The following DLG5 variants were observed in gnomAD, a reference collection of about 807,000 sequenced individuals.
DLG5 encodes discs large MAGUK scaffold protein 5.
DLG5 carries 48 observed loss-of-function variants against 189.8 expected under a neutral mutation model. That is an observed-to-expected ratio of 0.25 (90% CI 0.20 to 0.32). The LOEUF is 0.32. Among genes scored for constraint, DLG5 ranks in the 10% least tolerant of loss-of-function variants. The pLI, the probability that DLG5 is intolerant of heterozygous loss-of-function variation, is 1.00. For missense variants in DLG5, 2,160 were observed against 2,544.7 expected, an observed-to-expected ratio of 0.85 and a Z score of 3.25; for synonymous variants, 1,016 against 1,054.1, an observed-to-expected ratio of 0.96 and a Z score of 0.70.
In DLG5 at chr10:77,839,288, G is replaced by A. The variant is rs138310714; in HGVS notation, c.1437+2593C>T. On this transcript the variant is annotated intron_variant, in intron 7 of 31. Transcript: ENST00000372391. ...GGCCAAGGTGGGTGGATCACCTGAG[G>A]TCAGGAATTCGAGACTAGCCTGGCC... 9.9e-3 allele frequency among the ~76,000 whole-genome samples: 1,511 copies of A among 152,236 alleles called. 27 individuals carry two copies. The highest frequency in any genetic ancestry group is 0.034 in the African/African-American group (1,412 of 41,526).
intron 5 of DLG5, among the ~76,000 whole-genome samples, chr10:77,850,300 T>C (rs540939467): frequency 6.6e-6 from 1 of 152,338 alleles, no homozygotes; most frequent in Non-Finnish European, 1.5e-5. Flanking sequence ...GAATCATAGT[T>C]TGTGGTCTTT....
intron 25 of DLG5, among the ~76,000 whole-genome samples, chr10:77,807,517 G>A (rs369771835): frequency 2.0e-5 from 3 of 152,184 alleles, no homozygotes; most frequent in African/African-American, 4.8e-5. Flanking sequence ...AGAAAAAGAG[G>A]AGCACAGCAC....
chr10:77,890,342 C>A (rs1845570567), intron 1 of DLG5, among the ~76,000 whole-genome samples: 1 of 152,186 alleles, frequency 6.6e-6, no homozygotes, highest in Admixed American at 6.5e-5. Flanking sequence ...CTCGTCACTT[C>A]CTCTCCACTG....
chr10:77,898,360 AACCTCTCCACAGAGGGG>A (rs1205800328), intron 1 of DLG5, among the ~76,000 whole-genome samples: 1 of 152,232 alleles, frequency 6.6e-6, no homozygotes. Flanking sequence ...AGGATTTAAA[AACCTCTCCACAGAGGGG>A]AGCTGGGGAC....
Position 77,816,664 on chromosome 10 carries a change from C to G in DLG5, c.3912G>C (p.Gln1304His). The G allele has an allele frequency of 6.2e-7, 1 of 1,613,674 alleles. No homozygotes were observed. The highest frequency in any genetic ancestry group is 8.5e-7 in the Non-Finnish European group (1 of 1,179,774). ...VSHSECSTPP[Q>H]SPLNIDTLSS... Reference sequence around the variant, plus strand: ...ACAGGGTGTCGATGTTCAGGGGTGACTGTGGAGGAGTGCTGCATTCAGAAT... The same window carrying G: ...ACAGGGTGTCGATGTTCAGGGGTGAGTGTGGAGGAGTGCTGCATTCAGAAT... The change falls in exon 20 of 32, where the codon CAG (glutamine) becomes CAC (histidine). Residue 1304 changes from glutamine to histidine, a missense_variant. Physicochemically the swap from Gln to His is conservative, Grantham distance 24. This residue lies in a region of DLG5 where 754 missense variants were observed against 746.5 expected (regional missense o/e 1.01). Transcript: ENST00000372391.
At chr10:77,836,041 G>A (rs535654044) in intron 7 of DLG5, 119 bp from the exon 8 acceptor site, 39 of 1,069,774 alleles carry the variant, frequency 3.6e-5, no homozygotes, top group East Asian at 1.5e-4. Flanking sequence ...AGGGAAACAC[G>A]GAGCCCATCG....
In DLG5 at chr10:77,821,784, A is replaced by G. The variant is rs1297870239; in HGVS notation, c.2700T>C (p.Ser900=). ...RSLSSFRSDA[S]GDRGFGLVDV... Reference sequence around the variant, plus strand: ...CCACCAGCCCAAAGCCACGGTCCCCAGAGGCATCTGAGCGGAAGGAGCTCA... The same window carrying G: ...CCACCAGCCCAAAGCCACGGTCCCCGGAGGCATCTGAGCGGAAGGAGCTCA... The change falls in exon 15 of 32, where the codon TCT becomes TCC. Residue 900 remains serine, a synonymous_variant. Transcript: ENST00000372391. 6.2e-7 allele frequency: 1 copy of G among 1,611,282 alleles called. No individual in the cohort carries two copies. The highest frequency in any genetic ancestry group is 8.5e-7 in the Non-Finnish European group (1 of 1,178,946).
chr10:77,882,759 C>CAAA (rs11402456), intron 1 of DLG5, among the ~76,000 whole-genome samples: 16 of 143,194 alleles, frequency 1.1e-4, no homozygotes, highest in East Asian at 4.1e-4. Context: ...TAAAAAAATA[C>CAAA]AAAAAAAAAA....
At chr10:77,890,270 G>A (rs1446608596) in intron 1 of DLG5, among the ~76,000 whole-genome samples, 2 of 152,142 alleles carry the variant, frequency 1.3e-5, no homozygotes, top group Non-Finnish European at 2.9e-5. Context: ...TCTTCAGCTG[G>A]AGGGCGCTCT....
chr10:77,817,865 G>A lies in DLG5; in HGVS notation c.3696C>T (p.Ser1232=). ...TGCAGGTCCTGTGGCTCAGGTCCAGGCTCAGGCGTCCCTGGTGCTGGACAC... is the reference window on the plus strand; with the variant it reads ...TGCAGGTCCTGTGGCTCAGGTCCAGACTCAGGCGTCCCTGGTGCTGGACAC... The part of the protein sequence containing the change: ...HPSVQHQGRL[S]LDLSHRTCSD... The change falls in exon 18 of 32, where the codon AGC becomes AGT. Residue 1232 remains serine, a synonymous_variant. Coordinates refer to ENST00000372391, the MANE Select transcript of DLG5 (RefSeq NM_004747.4). 6.4e-7 allele frequency: 1 copy of A among 1,552,522 alleles called. No individual in the cohort carries two copies. Among genetic ancestry groups the A allele is most frequent in the Non-Finnish European group, 8.7e-7 (1 of 1,147,402 alleles).
rs749558640 is a variant in DLG5, at chr10:77,830,832, C to T, written c.1790G>A (p.Arg597Gln). The T allele has an allele frequency of 1.2e-6, 2 of 1,614,176 alleles. No individual in the cohort carries two copies. Among genetic ancestry groups the T allele is most frequent in the Non-Finnish European group, 1.7e-6 (2 of 1,180,020 alleles). Residue 597 changes from arginine (R) to glutamine (Q), a missense_variant, in exon 10 of 32, where the codon CGA becomes CAA. Arg to Gln is a conservative substitution (Grantham distance 43). This residue lies in a region of DLG5 where 664 missense variants were observed against 838.5 expected (regional missense o/e 0.79). Transcript: ENST00000372391. Reference protein sequence around the residue: ...ESQLEKEARFRQLMAHSSHDS... With the variant: ...ESQLEKEARFQQLMAHSSHDS... ...GTGGGAGCTGTGGGCCATCAGCTGT[C>T]GGAACCGGGCCTCCTTTTCCAACTG...
intron 2 of DLG5, among the ~76,000 whole-genome samples, chr10:77,860,783 A>C (rs948073730): frequency 1.3e-5 from 2 of 152,226 alleles, no homozygotes; most frequent in Non-Finnish European, 2.9e-5. Flanking sequence ...CTAGAACCCA[A>C]GGTATTAACC....
At chr10:77,812,591 C>T (rs1260456043) in intron 20 of DLG5, among the ~76,000 whole-genome samples, 1 of 152,220 alleles carries the variant, frequency 6.6e-6, no homozygotes, top group African/African-American at 2.4e-5. Flanking sequence ...GAGCACAGCA[C>T]ACGCAGACAC....
At chr10:77,834,169 G>T in intron 8 of DLG5, 130 bp from the exon 9 acceptor site, 1 of 1,285,374 alleles carries the variant, frequency 7.8e-7, no homozygotes, top group South Asian at 1.5e-5. Context: ...AGATGCACAG[G>T]AACACTTGGG....
chr10:77,854,182 C>T (rs372786260), intron 4 of DLG5, 45 bp downstream of exon 4: 92 of 1,602,040 alleles, frequency 5.7e-5, no homozygotes, highest in Non-Finnish European at 7.1e-5. Context: ...GCAAAGGCAG[C>T]TGTCTGTGGG....
the DLG5 span, among the ~76,000 whole-genome samples, chr10:77,938,380 A>C: frequency 6.6e-6 from 1 of 152,124 alleles, no homozygotes. Context: ...GCAGTGAGCT[A>C]TGATTGTGCC....
chr10:77,925,064 CT>C (rs1000684385), intron 1 of DLG5, among the ~76,000 whole-genome samples: 1 of 152,308 alleles, frequency 6.6e-6, no homozygotes, highest in African/African-American at 2.4e-5. Context: ...TTTATTTTTA[CT>C]GTACCTATCG....
At chr10:77,856,549 C>T (rs930476287) in intron 3 of DLG5, among the ~76,000 whole-genome samples, 181 bp downstream of exon 3, 3 of 152,134 alleles carry the variant, frequency 2.0e-5, no homozygotes, top group Admixed American at 2.0e-4. Flanking sequence ...ACCTGCCCCA[C>T]AAGAAGCCTG....
intron 15 of DLG5, 147 bp from the exon 16 acceptor site, chr10:77,820,165 G>C: frequency 9.3e-7 from 1 of 1,076,466 alleles, no homozygotes; most frequent in South Asian, 1.7e-5. Flanking sequence ...GGCCAACATG[G>C]CGAAATCCCG....
Sources: gnomAD v4.1 joint callset for allele counts (sites outside exome capture counted in the v4.1 genomes callset) on GRCh38, gnomAD v4.1.1 for gene constraint, gnomAD v4.1.1 regional missense constraint, MANE v1.5 for transcripts, NCBI Gene and HGNC (gene_info 2026-07-23, HGNC 2026-07-21) for gene names.